Variants in SCHIP1 observed in about 807,000 individuals in gnomAD.
SCHIP1 encodes schwannomin interacting protein 1.
A neutral mutation model predicts 29.7 loss-of-function variants in SCHIP1; 8 were observed. The observed-to-expected ratio is 0.27, with a 90% CI of 0.16 to 0.49. SCHIP1 has a LOEUF of 0.49. SCHIP1 is among the 20% of genes least tolerant of loss of function. SCHIP1 has a pLI of 0.99. For missense variants in SCHIP1, 193 were observed against 294.6 expected, an observed-to-expected ratio of 0.66 and a Z score of 2.52; for synonymous variants, 76 against 94.9, an observed-to-expected ratio of 0.80 and a Z score of 1.16.
At chr3:159,786,666 C>T in the SCHIP1 span, among the ~76,000 whole-genome samples, 1 of 124,772 alleles carries the variant, frequency 8.0e-6, no homozygotes, top group East Asian at 3.4e-4. Flanking sequence ...TGAGTCAAAG[C>T]GTGTGTGTGT....
chr3:159,641,932 T>C, the SCHIP1 span, among the ~76,000 whole-genome samples: 2 of 152,152 alleles, frequency 1.3e-5, no homozygotes, highest in Admixed American at 1.3e-4. Context: ...TGATCCAACT[T>C]GAACTAGATC....
At chr3:159,726,316 C>G in the SCHIP1 span, among the ~76,000 whole-genome samples, 1 of 152,168 alleles carries the variant, frequency 6.6e-6, no homozygotes, top group African/African-American at 2.4e-5. Flanking sequence ...TTTTAGGACA[C>G]CAATTTCTCA....
chr3:159,480,595 C>T, the SCHIP1 span, among the ~76,000 whole-genome samples: 6 of 152,022 alleles, frequency 3.9e-5, no homozygotes, highest in East Asian at 7.7e-4. Context: ...ATTATAAATC[C>T]CTTCTCTCAA....
the SCHIP1 span, among the ~76,000 whole-genome samples, chr3:159,480,398 C>T: frequency 6.6e-6 from 1 of 152,036 alleles, no homozygotes; most frequent in African/African-American, 2.4e-5. Flanking sequence ...TCCCTCTGTA[C>T]CAAAACATAG....
At chr3:159,513,376 G>T in the SCHIP1 span, among the ~76,000 whole-genome samples, 2 of 152,148 alleles carry the variant, frequency 1.3e-5, no homozygotes, top group African/African-American at 2.4e-5. Flanking sequence ...ACCTGGATAA[G>T]CTTGATTCAG....
chr3:159,565,834 A>G, the SCHIP1 span, among the ~76,000 whole-genome samples: 1 of 152,320 alleles, frequency 6.6e-6, no homozygotes, highest in East Asian at 1.9e-4. Flanking sequence ...AAATGCATGT[A>G]ATGTACAACA....
At chr3:159,640,560 A>G in the SCHIP1 span, among the ~76,000 whole-genome samples, 1 of 152,176 alleles carries the variant, frequency 6.6e-6, no homozygotes, top group East Asian at 1.9e-4. Context: ...AAAAAGGCAG[A>G]GATAGTCAAC....
chr3:159,639,109 G>GTC, the SCHIP1 span, among the ~76,000 whole-genome samples: 7 of 152,010 alleles, frequency 4.6e-5, no homozygotes, highest in Admixed American at 4.6e-4. Context: ...TGTTATTTTT[G>GTC]TGAGAGGCAG....
chr3:159,827,185 T>C, the SCHIP1 span, among the ~76,000 whole-genome samples: 2 of 152,188 alleles, frequency 1.3e-5, no homozygotes, highest in South Asian at 2.1e-4. Context: ...ATATTTCTTC[T>C]GAGAGAATGA....
At chr3:159,806,386 A>C in the SCHIP1 span, among the ~76,000 whole-genome samples, 1 of 152,180 alleles carries the variant, frequency 6.6e-6, no homozygotes, top group Admixed American at 6.5e-5. Context: ...CCTGTGCTTC[A>C]TGATTTGGGT....
chr3:159,398,001 A>G, the SCHIP1 span, among the ~76,000 whole-genome samples: 1 of 152,188 alleles, frequency 6.6e-6, no homozygotes, highest in African/African-American at 2.4e-5. Flanking sequence ...GGACCCTCCA[A>G]GCCAGGTGCG....
the SCHIP1 span, among the ~76,000 whole-genome samples, chr3:159,613,199 A>G: frequency 0.063 from 9,538 of 152,256 alleles, 1,007 homozygotes; most frequent in African/African-American, 0.21. Flanking sequence ...TTCATTTTTG[A>G]AATTCTGCAA....
At chr3:159,895,740 G>C (rs1717995030) in intron 6 of SCHIP1, among the ~76,000 whole-genome samples, 1 of 152,206 alleles carries the variant, frequency 6.6e-6, no homozygotes, top group Admixed American at 6.5e-5. Context: ...TTGTCACCCA[G>C]GCTGGAGTGC....
chr3:159,421,115 CT>C, the SCHIP1 span, among the ~76,000 whole-genome samples: 1 of 152,198 alleles, frequency 6.6e-6, no homozygotes, highest in South Asian at 2.1e-4. Context: ...CTCATTCCCC[CT>C]ATGATCCTGC....
chr3:159,341,539 G>C, the SCHIP1 span, among the ~76,000 whole-genome samples: 2 of 152,098 alleles, frequency 1.3e-5, no homozygotes, highest in African/African-American at 4.8e-5. Context: ...CATCAAGCCA[G>C]CTCACACAGG....
chr3:159,613,141 A>G, the SCHIP1 span, among the ~76,000 whole-genome samples: 9 of 152,220 alleles, frequency 5.9e-5, no homozygotes, highest in Admixed American at 5.9e-4. Context: ...TCTGATAAAT[A>G]ACAAAAAAAT....
At chr3:159,348,315 T>A in the SCHIP1 span, among the ~76,000 whole-genome samples, 1 of 152,096 alleles carries the variant, frequency 6.6e-6, no homozygotes, top group Non-Finnish European at 1.5e-5. Flanking sequence ...TCTTTAGAAG[T>A]CAGATATTTG....
chr3:159,522,941 T>C, the SCHIP1 span, among the ~76,000 whole-genome samples: 3 of 152,304 alleles, frequency 2.0e-5, no homozygotes, highest in South Asian at 6.2e-4. Context: ...ATACCCACTT[T>C]AGTTTTTATT....
chr3:159,578,943 T>C, the SCHIP1 span, among the ~76,000 whole-genome samples: 1 of 152,138 alleles, frequency 6.6e-6, no homozygotes, highest in Non-Finnish European at 1.5e-5. Context: ...TATTCACAAG[T>C]TTCAGGGATT....
Sources: allele counts gnomAD v4.1 joint callset (sites outside exome capture counted in the v4.1 genomes callset), GRCh38; gene constraint gnomAD v4.1.1; transcripts MANE v1.5; gene names NCBI Gene and HGNC (gene_info 2026-07-23, HGNC 2026-07-21).